NUMA1: variants seen among roughly 807,000 people sequenced by gnomAD.
NUMA1 encodes SP-H antigen.
A neutral mutation model predicts 237.1 loss-of-function variants in NUMA1; 62 were observed. The observed-to-expected ratio is 0.26, with a 90% CI of 0.21 to 0.32. The LOEUF (loss-of-function observed/expected upper bound fraction) is 0.32, where lower values mean the gene tolerates loss of function less well. Ranked by LOEUF, NUMA1 falls within the 10% of genes least tolerant of loss-of-function variation. NUMA1 has a pLI of 1.00. For synonymous variants in NUMA1, 1,028 were observed against 1,066.1 expected (o/e 0.96, Z 0.70); for missense variants, 2,533 against 2,666.5 (o/e 0.95, Z 1.10).
chr11:72,026,409 A>G lies in NUMA1; in HGVS notation c.129-2056T>C, dbSNP rs574209479. Among the ~76,000 whole-genome samples the G allele has an allele frequency of 1.2e-4, 19 of 152,392 alleles. No individual in the cohort carries two copies. The South Asian group carries it at 2.1e-3, about 17-fold the overall frequency. ...CTTTTTACTGAGAAGAGCAGAAATA[A>G]AAGTCAGCAAGACAAAAATGTCAGA... is the stretch of plus-strand genomic sequence containing the variant. On this transcript the variant is annotated intron_variant, in intron 4 of 26. Transcript: ENST00000393695.
intron 8 of NUMA1, among the ~76,000 whole-genome samples, chr11:72,019,991 C>A (rs1418778464): frequency 1.3e-5 from 2 of 152,206 alleles, no homozygotes; most frequent in African/African-American, 4.8e-5. Context: ...AACAACCTTT[C>A]CTATCAGAGC....
chr11:72,008,142 AT>A (rs768767627), intron 20 of NUMA1: 2 of 479,050 alleles, frequency 4.2e-6, no homozygotes, highest in East Asian at 1.0e-4. Context: ...TGAGTGCTTT[AT>A]GTCTAGCACA....
chr11:72,036,010 A>G (rs1190821282), intron 2 of NUMA1, 35 bp from the exon 3 acceptor site: 6 of 1,470,608 alleles, frequency 4.1e-6, no homozygotes, highest in East Asian at 2.3e-5. Flanking sequence ...GCAGTTAATC[A>G]TATCAGATAT....
At chr11:72,048,349 C>T (rs1430735235) in intron 2 of NUMA1, among the ~76,000 whole-genome samples, 2 of 148,490 alleles carry the variant, frequency 1.3e-5, no homozygotes, top group East Asian at 2.0e-4. Context: ...TCAAAGAAGC[C>T]GTGTGCTTTT....
At chr11:72,071,404 C>T (rs1282927968) in intron 1 of NUMA1, among the ~76,000 whole-genome samples, 1 of 152,132 alleles carries the variant, frequency 6.6e-6, no homozygotes, top group Non-Finnish European at 1.5e-5. Context: ...TGAATCTAAT[C>T]AAGAAGAATC....
intron 16 of NUMA1, among the ~76,000 whole-genome samples, chr11:72,011,593 T>C (rs1457315222): frequency 6.6e-6 from 1 of 152,176 alleles, no homozygotes; most frequent in East Asian, 1.9e-4. Context: ...CTATTCACTT[T>C]GATTGTCCCC....
intron 17 of NUMA1, 78 bp downstream of exon 17, chr11:72,010,708 C>G: frequency 7.0e-7 from 1 of 1,421,818 alleles, no homozygotes; most frequent in African/African-American, 1.4e-5. Context: ...TGCCCCGACA[C>G]CCCCCACGGC....
At chr11:72,018,693 G>T in intron 10 of NUMA1, 130 bp downstream of exon 10, 1 of 1,206,742 alleles carries the variant, frequency 8.3e-7, no homozygotes, top group Non-Finnish European at 1.2e-6. Context: ...GCTTCCAGGA[G>T]GTCAGCCTGA....
chr11:72,035,845 A>C, intron 3 of NUMA1, 57 bp downstream of exon 3: 1 of 1,544,160 alleles, frequency 6.5e-7, no homozygotes, highest in Non-Finnish European at 9.0e-7. Flanking sequence ...CTCCTCTCCT[A>C]ACTCTCTCAA....
At chr11:72,016,606 C>T in intron 13 of NUMA1, 76 bp from the exon 14 acceptor site, 1 of 1,531,490 alleles carries the variant, frequency 6.5e-7, no homozygotes, top group Non-Finnish European at 8.9e-7. Context: ...TCATAAACAT[C>T]AGCAAACATG....
At chr11:72,071,278 C>T (rs1336284123) in intron 1 of NUMA1, among the ~76,000 whole-genome samples, 1 of 152,166 alleles carries the variant, frequency 6.6e-6, no homozygotes, top group Non-Finnish European at 1.5e-5. Context: ...CAAATAAGTG[C>T]TAAATTATAT....
intron 5 of NUMA1, among the ~76,000 whole-genome samples, chr11:72,023,461 G>A (rs1015521525): frequency 6.6e-6 from 1 of 152,222 alleles, no homozygotes; most frequent in African/African-American, 2.4e-5. Context: ...AGAGCCCAGA[G>A]ATGCCAGGTC....
In NUMA1 at chr11:72,008,949, T is replaced by A. The variant is rs199871561; in HGVS notation, c.5058+18A>T. On this transcript the variant is annotated intron_variant, in intron 19 of 26. Transcript: ENST00000393695. Reference sequence around the variant, plus strand: ...CAGTGGAATAGGAGTGAGGTGAGTCTGCCAGCCAAATTCTTACCTGTGCCT... The same window carrying A: ...CAGTGGAATAGGAGTGAGGTGAGTCAGCCAGCCAAATTCTTACCTGTGCCT... 1.4e-5 allele frequency: 23 copies of A among 1,597,896 alleles called. No homozygotes were observed. The highest frequency in any genetic ancestry group is 8.5e-5 in the Admixed American group (5 of 59,160).
chr11:72,074,225 C>T (rs868241421), intron 1 of NUMA1, among the ~76,000 whole-genome samples: 2 of 40,810 alleles, frequency 4.9e-5, no homozygotes, highest in Admixed American at 2.0e-4. Context: ...TAGTGGTGTG[C>T]GCCTGTAATC....
In NUMA1 at chr11:72,019,636, CAAAAT is replaced by C; in HGVS notation, c.461-24_461-20del. ...ACAGGAGCTGGGGGTAAGAAATAGA[CAAAAT>C]AAATCAACAAAGGTTAGTAAGAAGG... is the stretch of plus-strand genomic sequence containing the variant. On this transcript the variant is annotated intron_variant, in intron 8 of 26. Transcript: ENST00000393695. 15 of 1,607,680 alleles carry C rather than the reference CAAAAT, an allele frequency of 9.3e-6. No homozygotes were observed. Among genetic ancestry groups the C allele is most frequent in the Non-Finnish European group, 1.3e-5 (15 of 1,176,648 alleles).
intron 2 of NUMA1, among the ~76,000 whole-genome samples, chr11:72,046,738 T>C (rs1478485992): frequency 6.6e-6 from 1 of 152,010 alleles, no homozygotes; most frequent in African/African-American, 2.4e-5. Context: ...GGTGGGCAGA[T>C]TGTTTGAGCT....
At chr11:72,012,475 T>C (rs746112839) in intron 15 of NUMA1, 33 bp from the exon 16 acceptor site, 2 of 1,605,568 alleles carry the variant, frequency 1.2e-6, no homozygotes, top group Non-Finnish European at 1.7e-6. Context: ...AGAGACAGAG[T>C]GAGATGAGGC....
At chr11:72,069,774 G>C (rs1372986092) in intron 2 of NUMA1, 68 bp downstream of exon 2, 2 of 152,194 alleles carry the variant, frequency 1.3e-5, no homozygotes, top group African/African-American at 4.8e-5. Context: ...AAAAGTAAAT[G>C]GTAGAGATCC....
At chr11:72,055,308 A>C (rs1942576240) in intron 2 of NUMA1, among the ~76,000 whole-genome samples, 2 of 152,164 alleles carry the variant, frequency 1.3e-5, no homozygotes, top group African/African-American at 2.4e-5. Context: ...GGGCATTATT[A>C]TTTTCACTTT....
Sources: gnomAD v4.1 joint callset for allele counts (sites outside exome capture counted in the v4.1 genomes callset) on GRCh38, gnomAD v4.1.1 for gene constraint, MANE v1.5 for transcripts, NCBI Gene and HGNC (gene_info 2026-07-23, HGNC 2026-07-21) for gene names.